The following CHEK1 variants were observed in gnomAD, a reference collection of about 807,000 sequenced individuals.
CHEK1 encodes checkpoint kinase 1, also known as serine/threonine-protein kinase Chk1.
A neutral mutation model predicts 60.2 loss-of-function variants in CHEK1; 32 were observed. The ratio of observed to expected loss-of-function variants is 0.53; its 90% CI spans 0.40 to 0.71. The LOEUF (loss-of-function observed/expected upper bound fraction) is 0.71, where lower values mean the gene tolerates loss of function less well. Among genes scored for constraint, CHEK1 ranks in the 30% least tolerant of loss-of-function variants. CHEK1 has a pLI of 0.00. For missense variants in CHEK1, 399 were observed against 564.6 expected (o/e 0.71, Z 2.97); for synonymous variants, 179 against 187.2 (o/e 0.96, Z 0.36).
At chr11:125,658,582 A>G (rs576837899), downstream of CHEK1, among the ~76,000 whole-genome samples, 5 of 147,694 alleles carry the variant, frequency 3.4e-5, no homozygotes, top group South Asian at 8.6e-4. Flanking sequence ...TCCTCTGTCT[A>G]TTGTTTTATA....
rs374734239 is a variant in CHEK1, at chr11:125,653,699, T to G, written c.1234-47T>G. ...GTTCTTCATAGTGGGTTTACTAGTT[T>G]ATTATCTACTCACCCATGTGGCTTA... On this transcript the variant is annotated intron_variant, in intron 11 of 12. Transcript: ENST00000438015. The surrounding 1 kb of genome is among the most constrained non-coding windows in gnomAD (Gnocchi z 4.3). 1.1e-6 allele frequency: 1 copy of G among 907,608 alleles called. No individual in the cohort carries two copies. The highest frequency in any genetic ancestry group is 1.5e-5 in the South Asian group (1 of 67,200). 56.2% of individuals were successfully genotyped at this position (907,608 alleles called of 1,614,324 possible). A position where few individuals can be genotyped will look rare whatever the true frequency, so the allele number is the denominator to read the frequency against.
At chr11:125,629,153 C>T in intron 3 of CHEK1, 79 bp from the exon 4 acceptor site, 1 of 1,407,356 alleles carries the variant, frequency 7.1e-7, no homozygotes, top group Non-Finnish European at 1.0e-6. Flanking sequence ...TTGTAAATGT[C>T]TAAGCTTCAA....
intron 11 of CHEK1, 121 bp downstream of exon 11, chr11:125,644,764 T>C: frequency 1.8e-6 from 2 of 1,141,158 alleles, no homozygotes; most frequent in Admixed American, 2.7e-5. Context: ...ATCCCAGCTT[T>C]TTGGGAGGCT....
chr11:125,660,279 G>A (rs1037401780), downstream of CHEK1, among the ~76,000 whole-genome samples: 1 of 152,134 alleles, frequency 6.6e-6, no homozygotes, highest in Admixed American at 6.5e-5. Flanking sequence ...GTAATTAACT[G>A]AGTTAATCAT....
chr11:125,675,377 C>T (rs1942452595), intron 13 of CHEK1, among the ~76,000 whole-genome samples: 1 of 151,024 alleles, frequency 6.6e-6, no homozygotes, highest in African/African-American at 2.4e-5. Flanking sequence ...AACATAATCT[C>T]TTTGTACACA....
In CHEK1 at chr11:125,625,396, C is replaced by G. The variant is rs550708725; in HGVS notation, c.-637C>G. On this transcript the variant is annotated 5_prime_UTR_variant, in exon 1 of 13. Coordinates refer to ENST00000438015, the MANE Select transcript of CHEK1 (RefSeq NM_001114122.3). ...CACTTGACTGCGTGGCCAGTTCTTT[C>G]GAAGCCTCTCGCTCCCAACACGGAG... 8 of 270,188 alleles carry G rather than the reference C, an allele frequency of 3.0e-5. No homozygotes were observed. The highest frequency in any genetic ancestry group is 1.9e-4 in the Admixed American group (4 of 20,816). The allele number at this position is 270,188 out of a possible 1,614,324, so 16.7% of individuals were successfully genotyped here.
chr11:125,626,395 A>G (rs1372743215), intron 1 of CHEK1: 1 of 429,986 alleles, frequency 2.3e-6, no homozygotes, highest in Non-Finnish European at 4.2e-6. Context: ...CGCTCCCTAT[A>G]TCCTCTTCCT....
downstream of CHEK1, chr11:125,676,560 G>A: frequency 6.6e-7 from 1 of 1,513,126 alleles, no homozygotes; most frequent in South Asian, 1.2e-5. Flanking sequence ...GGGGTAATGG[G>A]CAATAGGTAG....
chr11:125,677,115 C>G (rs1942547889), downstream of CHEK1, among the ~76,000 whole-genome samples: 1 of 152,202 alleles, frequency 6.6e-6, no homozygotes, highest in African/African-American at 2.4e-5. Flanking sequence ...TTGCCACTTT[C>G]TAGCCATGTG....
At chr11:125,631,802 C>T (rs891673037) in intron 5 of CHEK1, among the ~76,000 whole-genome samples, 1 of 129,338 alleles carries the variant, frequency 7.7e-6, no homozygotes, top group South Asian at 2.5e-4. Context: ...GTCAAGGCTG[C>T]AGTAAGCTGT....
At chr11:125,665,834 C>G (rs1229263759) in intron 13 of CHEK1, among the ~76,000 whole-genome samples, 9 of 123,360 alleles carry the variant, frequency 7.3e-5, no homozygotes, top group Non-Finnish European at 1.2e-4. Flanking sequence ...TTTCCTTTTT[C>G]ATCTCTGATT....
intron 11 of CHEK1, among the ~76,000 whole-genome samples, chr11:125,648,309 G>A (rs976879773): frequency 3.3e-5 from 5 of 151,998 alleles, no homozygotes; most frequent in Admixed American, 6.6e-5. Flanking sequence ...TTGGCAGGGC[G>A]TGGTGGCTCA....
rs761508317 is a variant in CHEK1, at chr11:125,625,844, C to T, written c.-189C>T. The T allele has an allele frequency of 2.8e-6, 2 of 702,630 alleles. No individual in the cohort carries two copies. The highest frequency in any genetic ancestry group is 3.0e-5 in the South Asian group (2 of 67,606). 43.5% of individuals were successfully genotyped at this position (702,630 alleles called of 1,614,324 possible). ...CCCTGGGCGGGAGCGGCAACATCTC[C>T]ACGTCACCCTTTTGGAGCCGCCGAC... On this transcript the variant is annotated 5_prime_UTR_variant, in exon 1 of 13. Coordinates refer to ENST00000438015, the MANE Select transcript of CHEK1 (RefSeq NM_001114122.3).
intron 8 of CHEK1, among the ~76,000 whole-genome samples, chr11:125,638,052 A>T (rs1301236186): frequency 6.6e-6 from 1 of 152,150 alleles, no homozygotes; most frequent in African/African-American, 2.4e-5. Flanking sequence ...GGGAAGTGGG[A>T]GAGGAAGACA....
intron 5 of CHEK1, 70 bp from the exon 6 acceptor site, chr11:125,633,093 T>A (rs1212249988): frequency 7.2e-7 from 1 of 1,396,226 alleles, no homozygotes; most frequent in Non-Finnish European, 9.6e-7. Context: ...TCAGTAAAAC[T>A]TAATTCCTGT....
rs76454312 is a variant in CHEK1, at chr11:125,650,070, C to T, written c.1234-3676C>T. Among the ~76,000 whole-genome samples, 978 of 151,788 alleles carry T rather than the reference C, an allele frequency of 6.4e-3. 8 individuals are homozygous for T. The highest frequency in any genetic ancestry group is 0.023 in the African/African-American group (932 of 41,384). ...TTCTTTTTTCATTCTGTTCGGAGTT[C>T]GTTGAGCTTCTTGGATATGTAAATT... On this transcript the variant is annotated intron_variant, in intron 11 of 12. Transcript: ENST00000438015.
intron 6 of CHEK1, among the ~76,000 whole-genome samples, 179 bp from the exon 7 acceptor site, chr11:125,635,250 T>C (rs1941024281): frequency 1.3e-5 from 2 of 152,196 alleles, no homozygotes; most frequent in Non-Finnish European, 1.5e-5. Flanking sequence ...TGAGCTGCCA[T>C]GCCTATCCTG....
intron 2 of CHEK1, 100 bp downstream of exon 2, chr11:125,626,933 G>T: frequency 7.6e-7 from 1 of 1,322,168 alleles, no homozygotes; most frequent in East Asian, 2.3e-5. Flanking sequence ...GAGATCCAAG[G>T]GTTTTGGCAA....
At chr11:125,676,484 A>T (rs1247500958), downstream of CHEK1, 3 of 1,614,116 alleles carry the variant, frequency 1.9e-6, no homozygotes, top group East Asian at 6.7e-5. Context: ...TGTGCCTGAA[A>T]ATTTAAGATA....
Sources: gnomAD v4.1 joint callset for allele counts (sites outside exome capture counted in the v4.1 genomes callset) on GRCh38, gnomAD v4.1.1 for gene constraint, Gnocchi (gnomAD v3.1) non-coding constraint, MANE v1.5 for transcripts, NCBI Gene and HGNC (gene_info 2026-07-23, HGNC 2026-07-21) for gene names.